Variants in NSFL1C observed in about 807,000 individuals in gnomAD.
NSFL1C encodes NSFL1 cofactor.
NSFL1C carries 14 observed loss-of-function variants against 43.1 expected under a neutral mutation model. That is an observed-to-expected ratio of 0.32 (90% CI 0.21 to 0.51). The LOEUF is 0.51. Among genes scored for constraint, NSFL1C ranks in the 20% least tolerant of loss-of-function variants. The pLI is 0.98. For missense variants in NSFL1C, 406 were observed against 472.5 expected (o/e 0.86, Z 1.30); for synonymous variants, 171 against 183.5 (o/e 0.93, Z 0.55).
intron 8 of NSFL1C, among the ~76,000 whole-genome samples, chr20:1,444,867 G>A (rs930942139): frequency 6.6e-6 from 1 of 152,196 alleles, no homozygotes; most frequent in African/African-American, 2.4e-5. Context: ...GATGAAGGAG[G>A]TCTCAATAGG....
chr20:1,464,303 T>G, intron 2 of NSFL1C, 26 bp downstream of exon 2: 1 of 1,594,850 alleles, frequency 6.3e-7, no homozygotes, highest in African/African-American at 1.3e-5. Context: ...AACACTCATG[T>G]AGCGATAATT....
Position 1,466,756 on chromosome 20 carries a change from G to T in NSFL1C, c.69C>A (p.Ala23=). The change falls in exon 1 of 9, where the codon GCC becomes GCA. Residue 23 remains alanine, a synonymous_variant. Coordinates refer to ENST00000216879, the MANE Select transcript of NSFL1C (RefSeq NM_016143.5). ...VAVTGAEEDR[A]RFFLESAGWD... ...AGCCGGCCGACTCGAGAAAGAAGCGGGCCCGGTCCTCCTCGGCGCCCGTCA... is the reference window on the plus strand; with the variant it reads ...AGCCGGCCGACTCGAGAAAGAAGCGTGCCCGGTCCTCCTCGGCGCCCGTCA... The T allele has an allele frequency of 6.4e-7, 1 of 1,564,354 alleles. No individual in the cohort carries two copies. The highest frequency in any genetic ancestry group is 1.8e-5 in the Admixed American group (1 of 55,824).
chr20:1,461,281 T>G (rs2090406515), intron 2 of NSFL1C, among the ~76,000 whole-genome samples: 1 of 152,054 alleles, frequency 6.6e-6, no homozygotes, highest in Non-Finnish European at 1.5e-5. Flanking sequence ...ATGGATATAG[T>G]CAAAGAACTG....
chr20:1,459,966 T>C (rs1214737670), intron 2 of NSFL1C, among the ~76,000 whole-genome samples: 1 of 152,252 alleles, frequency 6.6e-6, no homozygotes. Flanking sequence ...TCACTTGCTC[T>C]GCTATGGCTT....
intron 7 of NSFL1C, 136 bp from the exon 8 acceptor site, chr20:1,445,966 A>G (rs752997330): frequency 4.1e-4 from 395 of 969,536 alleles, no homozygotes; most frequent in Non-Finnish European, 5.5e-4. Flanking sequence ...TGACCCAGAC[A>G]GGGAAAATCG....
At chr20:1,447,847 G>A (rs772030934) in intron 7 of NSFL1C, among the ~76,000 whole-genome samples, 4 of 152,068 alleles carry the variant, frequency 2.6e-5, no homozygotes, top group African/African-American at 4.8e-5. Context: ...TCACAGCCAC[G>A]ACCTCGCTGA....
intron 3 of NSFL1C, among the ~76,000 whole-genome samples, chr20:1,457,672 G>A (rs1178986079): frequency 6.6e-6 from 1 of 152,112 alleles, no homozygotes; most frequent in African/African-American, 2.4e-5. Context: ...TTCCACACGA[G>A]AGCATGCTTT....
chr20:1,448,076 CCTT>C (rs1238315438), intron 7 of NSFL1C, among the ~76,000 whole-genome samples: 1 of 152,172 alleles, frequency 6.6e-6, no homozygotes, highest in Non-Finnish European at 1.5e-5. Context: ...TCAAACTTCT[CCTT>C]GAGTTTCACT....
Position 1,453,056 on chromosome 20 carries a change from G to C in NSFL1C, c.622C>G (p.Gln208Glu). Residue 208 changes from glutamine to glutamate, a missense_variant, in exon 6 of 9, where the codon CAG becomes GAG. This residue lies in a region of NSFL1C where 196 missense variants were observed against 228.0 expected (regional missense o/e 0.86). Coordinates refer to ENST00000216879, the MANE Select transcript of NSFL1C (RefSeq NM_016143.5). ...LRSYQDPSNAQFLESIRRGEV... is the reference protein window; with the variant it reads ...LRSYQDPSNAEFLESIRRGEV... Reference sequence around the variant, plus strand: ...CCTCTGCGGATAGACTCCAGAAACTGGGCATTGGATGGGTCTTGGTAGCTT... The same window carrying C: ...CCTCTGCGGATAGACTCCAGAAACTCGGCATTGGATGGGTCTTGGTAGCTT... 1.2e-6 allele frequency: 2 copies of C among 1,611,934 alleles called. No individual in the cohort carries two copies. The highest frequency in any genetic ancestry group is 1.7e-6 in the Non-Finnish European group (2 of 1,178,036).
intron 7 of NSFL1C, among the ~76,000 whole-genome samples, chr20:1,450,923 C>A (rs1455816662): frequency 6.6e-6 from 1 of 152,116 alleles, no homozygotes; most frequent in Non-Finnish European, 1.5e-5. Flanking sequence ...AGCCATACTT[C>A]ACTGATAAAG....
At chr20:1,453,200 G>A (rs2090221279) in intron 5 of NSFL1C, 60 bp from the exon 6 acceptor site, 1 of 934,116 alleles carries the variant, frequency 1.1e-6, no homozygotes, top group South Asian at 1.3e-5. Context: ...ATTTGAACTT[G>A]CAAATTAGCA....
chr20:1,449,757 G>C (rs888674279), intron 7 of NSFL1C, among the ~76,000 whole-genome samples: 1 of 152,132 alleles, frequency 6.6e-6, no homozygotes, highest in Non-Finnish European at 1.5e-5. Flanking sequence ...TCTTTACAGG[G>C]GGAATAAACT....
chr20:1,457,128 T>C (rs1477420515), intron 3 of NSFL1C: 2 of 152,206 alleles, frequency 1.3e-5, no homozygotes, highest in Admixed American at 1.3e-4. Context: ...AAATAGTTGA[T>C]GGGTACATGT....
intron 7 of NSFL1C, among the ~76,000 whole-genome samples, chr20:1,450,144 T>G (rs1244105286): frequency 6.6e-6 from 1 of 152,234 alleles, no homozygotes. Flanking sequence ...AGCCCAGTAC[T>G]GACTGATTTT....
Position 1,452,609 on chromosome 20 carries a change from C to T in NSFL1C, c.669G>A (p.Arg223=), listed in dbSNP as rs1461289235. Reference sequence around the variant, plus strand: ...TCACCTGTCCACCGTGAGCTAGCCTCCGAAGCTCTGCTGGCACCTCCCTGT... The same window carrying T: ...TCACCTGTCCACCGTGAGCTAGCCTTCGAAGCTCTGCTGGCACCTCCCTGT... ...IRRGEVPAEL[R]RLAHGGQVNL... Residue 223 remains arginine, a synonymous_variant, in exon 7 of 9, where the codon CGG becomes CGA. Coordinates refer to ENST00000216879, the MANE Select transcript of NSFL1C (RefSeq NM_016143.5). 6.2e-7 allele frequency: 1 copy of T among 1,614,170 alleles called. No homozygotes were observed. Among genetic ancestry groups the T allele is most frequent in the Non-Finnish European group, 8.5e-7 (1 of 1,180,024 alleles).
chr20:1,452,429 A>G, intron 7 of NSFL1C, 64 bp downstream of exon 7: 1 of 1,581,302 alleles, frequency 6.3e-7, no homozygotes, highest in East Asian at 2.2e-5. Context: ...AGTGATACAC[A>G]GGGTCTGCTG....
intron 3 of NSFL1C, chr20:1,455,704 C>A (rs750086322): frequency 3.2e-5 from 25 of 779,570 alleles, no homozygotes; most frequent in African/African-American, 2.4e-4. Flanking sequence ...GGACCACATG[C>A]CCTACCTACC....
chr20:1,464,756 C>T (rs1311537558), intron 1 of NSFL1C, among the ~76,000 whole-genome samples: 1 of 152,214 alleles, frequency 6.6e-6, no homozygotes, highest in Non-Finnish European at 1.5e-5. Context: ...GAGCATTCTA[C>T]ATACGTTAAT....
At chr20:1,454,704 C>T (rs905405402) in intron 4 of NSFL1C, among the ~76,000 whole-genome samples, 17 of 152,144 alleles carry the variant, frequency 1.1e-4, no homozygotes, top group Admixed American at 3.9e-4. Context: ...CAAAATAAAA[C>T]ACTAAGTCAG....
Sources: allele counts gnomAD v4.1 joint callset (sites outside exome capture counted in the v4.1 genomes callset), GRCh38; gene constraint gnomAD v4.1.1; regional missense constraint gnomAD v4.1.1; transcripts MANE v1.5; gene names NCBI Gene and HGNC (gene_info 2026-07-23, HGNC 2026-07-21).